ZGRF1: variants seen among roughly 807,000 people sequenced by gnomAD.
ZGRF1 encodes the protein zinc finger GRF-type containing 1.
ZGRF1 carries 196 observed loss-of-function variants against 203.5 expected under a neutral mutation model. The observed-to-expected ratio is 0.96, with a 90% CI of 0.86 to 1.08. The LOEUF (loss-of-function observed/expected upper bound fraction) is 1.08. Ranked by LOEUF, ZGRF1 falls within the 50% of genes least tolerant of loss-of-function variation. The pLI, the probability that ZGRF1 is intolerant of heterozygous loss-of-function variation, is 0.00. For missense variants in ZGRF1, 2,326 were observed against 2,416.3 expected, an observed-to-expected ratio of 0.96 and a Z score of 0.78; for synonymous variants, 809 against 841.3, an observed-to-expected ratio of 0.96 and a Z score of 0.66.
At chr4:112,597,126 A>T (rs2149068440) in intron 10 of ZGRF1, among the ~76,000 whole-genome samples, 1 of 150,060 alleles carries the variant, frequency 6.7e-6, no homozygotes, top group Non-Finnish European at 1.5e-5. Flanking sequence ...AGGCAGAATA[A>T]TCACTTGAAC....
intron 4 of ZGRF1, among the ~76,000 whole-genome samples, chr4:112,620,650 G>C (rs1238553358): frequency 1.3e-5 from 2 of 152,116 alleles, no homozygotes; most frequent in Non-Finnish European, 2.9e-5. Flanking sequence ...CTTGAAGCCA[G>C]GAGGTCAAGA....
rs1010908092 is a variant in ZGRF1, at chr4:112,619,885, T to C, written c.351+117A>G. On this transcript the variant is annotated intron_variant, in intron 5 of 27. Coordinates refer to ENST00000505019, the MANE Select transcript of ZGRF1 (RefSeq NM_018392.5). ...AAGTAGGGTTTACTTCCTTTCTACC[T>C]AAGTATACTATGAAGTGCCCTTTGA... 4 of 935,370 alleles carry C rather than the reference T, an allele frequency of 4.3e-6. No homozygotes were observed. The African/African-American group carries it at 5.0e-5, about 12-fold the overall frequency. The allele number at this position is 935,370 out of a possible 1,614,324, so 57.9% of individuals were successfully genotyped here.
intron 14 of ZGRF1, 82 bp from the exon 15 acceptor site, chr4:112,584,256 T>G: frequency 1.2e-6 from 1 of 838,780 alleles, no homozygotes; most frequent in Non-Finnish European, 1.8e-6. Context: ...TCAAGGCTTC[T>G]ATGAAGACTG....
rs757916387 is a variant in ZGRF1 at position 112,553,997 on chromosome 4, T to G, written c.5199-15A>C. 2.5e-6 allele frequency: 4 copies of G among 1,591,278 alleles called. No homozygotes were observed. Among genetic ancestry groups the G allele is most frequent in the East Asian group, 2.2e-5 (1 of 44,682 alleles). On this transcript the variant is annotated splice_polypyrimidine_tract_variant and intron_variant, in intron 21 of 27. Coordinates refer to ENST00000505019, the MANE Select transcript of ZGRF1 (RefSeq NM_018392.5). The stretch of plus-strand genomic sequence containing the variant: ...CAGCATGCAAGCTAAAGAATTATAT[T>G]AAAACACTCCTCTTTATTCCATTTT...
At chr4:112,579,967 C>T (rs1414676918) in intron 16 of ZGRF1, among the ~76,000 whole-genome samples, 2 of 122,794 alleles carry the variant, frequency 1.6e-5, no homozygotes, top group Non-Finnish European at 1.8e-5. Flanking sequence ...ATTGCTAAGT[C>T]GATCCTAAGC....
At chr4:112,607,183 G>T (rs536789369) in intron 8 of ZGRF1, among the ~76,000 whole-genome samples, 2 of 152,150 alleles carry the variant, frequency 1.3e-5, no homozygotes, top group African/African-American at 4.8e-5. Context: ...GGAGTGCAGT[G>T]GCGCAATCGT....
chr4:112,619,026 T>G lies in ZGRF1; in HGVS notation c.1016A>C (p.His339Pro), dbSNP rs1465293025. Residue 339 changes from histidine (H) to proline (P), a missense_variant, in exon 6 of 28, where the codon CAT (histidine) becomes CCT (proline). Physicochemically the swap from His to Pro is moderately conservative, Grantham distance 77 (BLOSUM62 -2). Coordinates refer to ENST00000505019, the MANE Select transcript of ZGRF1 (RefSeq NM_018392.5). ...ATCATTCCCATCTACAGTAGAAGAA[T>G]GTATAGGTGAACTCTGTGAGGATAA... ...MYLSSQSSPI[H>P]SSTVDGNDTE... The G allele has an allele frequency of 1.2e-6, 2 of 1,613,902 alleles. No homozygotes were observed. The highest frequency in any genetic ancestry group is 1.3e-5 in the African/African-American group (1 of 74,930).
chr4:112,561,911 CTT>C (rs11385405), intron 18 of ZGRF1, among the ~76,000 whole-genome samples: 1 of 108,170 alleles, frequency 9.2e-6, no homozygotes, highest in Non-Finnish European at 1.8e-5. Flanking sequence ...TTCCTTTTCT[CTT>C]TTTTTTTTTT....
chr4:112,634,541 C>A (rs778525513), intron 1 of ZGRF1, among the ~76,000 whole-genome samples: 8 of 151,790 alleles, frequency 5.3e-5, no homozygotes, highest in Admixed American at 2.0e-4. Context: ...ATCCCAGCTA[C>A]TTGGGAGGCT....
chr4:112,612,943 C>A (rs1456798864), intron 6 of ZGRF1, among the ~76,000 whole-genome samples: 1 of 89,740 alleles, frequency 1.1e-5, no homozygotes, highest in Non-Finnish European at 2.3e-5. Context: ...AAGTACCGGA[C>A]AACTGTTAGG....
intron 4 of ZGRF1, among the ~76,000 whole-genome samples, chr4:112,620,914 C>G (rs1560876791): frequency 6.6e-6 from 1 of 151,508 alleles, no homozygotes; most frequent in Non-Finnish European, 1.5e-5. Flanking sequence ...TTCCTACAGT[C>G]TCAGCTACTT....
At chr4:112,550,579 G>A (rs903208327) in intron 22 of ZGRF1, among the ~76,000 whole-genome samples, 6 of 152,098 alleles carry the variant, frequency 3.9e-5, no homozygotes, top group Non-Finnish European at 8.8e-5. Flanking sequence ...TAGGCCGGGC[G>A]CGGTGGCTCA....
Position 112,540,041 on chromosome 4 carries a change from T to A in ZGRF1, c.5994A>T (p.Gly1998=). ...ACAGAATAATGATCTCCTTTTCAGC[T>A]CCCTGAAAAGCATCTACTGTGGACA... ...VQVSTVDAFQ[G]AEKEIIILSC... is the part of the protein sequence containing the mutation. Residue 1998 remains glycine, a synonymous_variant, in exon 27 of 28, where the codon GGA becomes GGT. Coordinates refer to ENST00000505019, the MANE Select transcript of ZGRF1 (RefSeq NM_018392.5). 2 of 1,609,886 alleles carry A rather than the reference T, an allele frequency of 1.2e-6. No individual in the cohort carries two copies. The highest frequency in any genetic ancestry group is 1.7e-6 in the Non-Finnish European group (2 of 1,177,358).
At chr4:112,609,349 AG>A in intron 8 of ZGRF1, 29 bp downstream of exon 8, 1 of 1,362,654 alleles carries the variant, frequency 7.3e-7, no homozygotes, top group East Asian at 2.8e-5. Flanking sequence ...CACCATGCCC[AG>A]GGGCTAATTT....
intron 24 of ZGRF1, among the ~76,000 whole-genome samples, chr4:112,542,197 C>A (rs1249921977): frequency 2.6e-5 from 4 of 152,024 alleles, no homozygotes; most frequent in Non-Finnish European, 5.9e-5. Flanking sequence ...TAATAATTAG[C>A]CAAGCATGGT....
intron 16 of ZGRF1, among the ~76,000 whole-genome samples, chr4:112,576,626 T>C (rs1000055279): frequency 1.3e-5 from 2 of 152,050 alleles, no homozygotes; most frequent in African/African-American, 2.4e-5. Context: ...AACTGCATGA[T>C]AAATGCACAA....
chr4:112,543,246 C>T (rs1002761724), intron 24 of ZGRF1, among the ~76,000 whole-genome samples: 2 of 152,122 alleles, frequency 1.3e-5, no homozygotes, highest in Non-Finnish European at 2.9e-5. Context: ...CTTCTACCGC[C>T]TTTCCCAGAA....
intron 6 of ZGRF1, among the ~76,000 whole-genome samples, chr4:112,613,327 T>C (rs2046757071): frequency 6.6e-6 from 1 of 152,144 alleles, no homozygotes; most frequent in African/African-American, 2.4e-5. Flanking sequence ...TCATGCTATT[T>C]CTAGTCTATC....
chr4:112,571,763 T>C (rs746119826), intron 16 of ZGRF1, among the ~76,000 whole-genome samples: 5 of 152,182 alleles, frequency 3.3e-5, no homozygotes, highest in African/African-American at 2.4e-5. Flanking sequence ...AACAAGTTTT[T>C]CATGAAACTT....
Sources: allele counts gnomAD v4.1 joint callset (sites outside exome capture counted in the v4.1 genomes callset), GRCh38; gene constraint gnomAD v4.1.1; transcripts MANE v1.5; gene names NCBI Gene and HGNC (gene_info 2026-07-23, HGNC 2026-07-21).